The following TLK1 variants were observed in gnomAD, a reference collection of about 807,000 sequenced individuals.
TLK1 encodes serine/threonine-protein kinase tousled-like 1.
Under a neutral mutation model 105.3 loss-of-function variants are expected in TLK1, and 24 were observed. The ratio of observed to expected loss-of-function variants is 0.23; its 90% CI spans 0.17 to 0.32. The LOEUF (loss-of-function observed/expected upper bound fraction) is 0.32. TLK1 is among the 10% of genes least tolerant of loss of function. The pLI is 1.00. For missense variants in TLK1, 558 were observed against 910.5 expected (o/e 0.61, Z 4.98); for synonymous variants, 321 against 310.4 (o/e 1.03, Z -0.36).
chr2:171,187,964 A>G (rs1693067177), intron 1 of TLK1, among the ~76,000 whole-genome samples: 2 of 152,224 alleles, frequency 1.3e-5, no homozygotes, highest in Admixed American at 1.3e-4. Context: ...GGGAGATTGT[A>G]TGACAGATTA....
chr2:171,213,623 A>G (rs1364861509), intron 1 of TLK1, among the ~76,000 whole-genome samples: 1 of 151,334 alleles, frequency 6.6e-6, no homozygotes, highest in Non-Finnish European at 1.5e-5. Flanking sequence ...ACTTTCTACA[A>G]AAACATGTAA....
intron 8 of TLK1, among the ~76,000 whole-genome samples, chr2:171,053,403 G>A (rs1001615123): frequency 8.6e-5 from 13 of 150,962 alleles, no homozygotes; most frequent in Admixed American, 4.6e-4. Flanking sequence ...TCACTCTGTC[G>A]CCAGGCTGGA....
chr2:171,108,454 G>A (rs1690027623), intron 2 of TLK1, among the ~76,000 whole-genome samples: 1 of 151,974 alleles, frequency 6.6e-6, no homozygotes, highest in Non-Finnish European at 1.5e-5. Flanking sequence ...AACACGTAAA[G>A]TACAAGAAGA....
intron 3 of TLK1, chr2:171,081,818 CT>C (rs1558930982): frequency 1.5e-6 from 1 of 657,816 alleles, no homozygotes; most frequent in Non-Finnish European, 2.4e-6. Flanking sequence ...TTTCTAGATG[CT>C]TTCAATAACA....
chr2:171,161,739 T>C (rs1692505213), upstream of TLK1, among the ~76,000 whole-genome samples: 1 of 152,228 alleles, frequency 6.6e-6, no homozygotes. Context: ...GTGTCTCCGC[T>C]GAGTCCCGAC....
chr2:171,061,464 A>G (rs1427843059), intron 3 of TLK1, among the ~76,000 whole-genome samples: 1 of 152,208 alleles, frequency 6.6e-6, no homozygotes, highest in African/African-American at 2.4e-5. Flanking sequence ...GCTTAACTGG[A>G]TGAGGGGGAA....
At chr2:171,221,581 C>T (rs771102284) in intron 1 of TLK1, among the ~76,000 whole-genome samples, 16 of 152,342 alleles carry the variant, frequency 1.1e-4, no homozygotes, top group Admixed American at 2.6e-4. Flanking sequence ...TTCCCTTCCT[C>T]TTCGTGGCTG....
chr2:171,128,966 ATG>A (rs10609101), intron 1 of TLK1, among the ~76,000 whole-genome samples: 60,296 of 150,448 alleles, frequency 0.4, 13,522 homozygotes, highest in African/African-American at 0.6. Flanking sequence ...GAGGAAGAGT[ATG>A]TGTGTGTGTG....
At chr2:171,156,966 C>A (rs1201130902) in intron 1 of TLK1, among the ~76,000 whole-genome samples, 6 of 152,084 alleles carry the variant, frequency 3.9e-5, no homozygotes, top group Non-Finnish European at 5.9e-5. Context: ...GAACCATGCC[C>A]AGCTAATTTT....
chr2:171,018,584 G>T (rs552682985), intron 12 of TLK1, among the ~76,000 whole-genome samples: 4 of 152,294 alleles, frequency 2.6e-5, no homozygotes, highest in South Asian at 2.1e-4. Context: ...CAAGGGTTCA[G>T]GAGAAGACAG....
At chr2:171,142,564 C>G (rs1165456529) in intron 1 of TLK1, among the ~76,000 whole-genome samples, 1 of 152,064 alleles carries the variant, frequency 6.6e-6, no homozygotes, top group African/African-American at 2.4e-5. Context: ...GTTTGATTCA[C>G]CAGGTAGATT....
intron 8 of TLK1, among the ~76,000 whole-genome samples, chr2:171,051,818 T>C (rs1002884217): frequency 3.3e-5 from 5 of 152,208 alleles, no homozygotes; most frequent in African/African-American, 1.2e-4. Flanking sequence ...TCCACCTGTA[T>C]ACTGGAAACA....
chr2:171,140,306 A>G (rs1265021674), intron 1 of TLK1, among the ~76,000 whole-genome samples: 1 of 152,230 alleles, frequency 6.6e-6, no homozygotes, highest in African/African-American at 2.4e-5. Context: ...AAGAAACTTG[A>G]AAAGTTGAAC....
At chr2:171,051,872 A>T (rs557557469) in intron 8 of TLK1, among the ~76,000 whole-genome samples, 2 of 152,338 alleles carry the variant, frequency 1.3e-5, no homozygotes, top group South Asian at 4.1e-4. Flanking sequence ...ATGAGCTTTT[A>T]ATTAAATGGG....
At chr2:171,171,362 A>G (rs1692721872) in intron 1 of TLK1, among the ~76,000 whole-genome samples, 1 of 152,076 alleles carries the variant, frequency 6.6e-6, no homozygotes, top group African/African-American at 2.4e-5. Context: ...TGGAAAAAAA[A>G]AAGAAAAGAC....
chr2:171,227,056 T>G (rs1428189076), intron 1 of TLK1, among the ~76,000 whole-genome samples: 1 of 151,938 alleles, frequency 6.6e-6, no homozygotes, highest in Non-Finnish European at 1.5e-5. Flanking sequence ...CTCCTACAGC[T>G]GCAGTTCCTT....
chr2:171,030,372 C>G (rs1285802946), intron 11 of TLK1, among the ~76,000 whole-genome samples: 1 of 152,124 alleles, frequency 6.6e-6, no homozygotes, highest in Admixed American at 6.5e-5. Flanking sequence ...GACACAACTA[C>G]TGGATTTTAT....
chr2:171,092,341 A>G (rs535564694), intron 2 of TLK1, among the ~76,000 whole-genome samples: 2 of 152,352 alleles, frequency 1.3e-5, no homozygotes, highest in East Asian at 3.9e-4. Context: ...ATTCACTTTC[A>G]CACTACATAT....
Position 171,013,645 on chromosome 2 carries a change from A to G in TLK1, c.1334+1206T>C, listed in dbSNP as rs13428775. Among the ~76,000 whole-genome samples, 524 of 152,300 alleles carry G rather than the reference A, an allele frequency of 3.4e-3. 6 individuals are homozygous for G. Among genetic ancestry groups the G allele is most frequent in the African/African-American group, 0.012 (489 of 41,552 alleles). On this transcript the variant is annotated intron_variant, in intron 13 of 20. Transcript: ENST00000431350. ...AATCTGACATAATTTAGGTTATTCC[A>G]TAACTATTTCTTTCTCTTCACACAA...
Sources: allele counts gnomAD v4.1 joint callset (sites outside exome capture counted in the v4.1 genomes callset), GRCh38; gene constraint gnomAD v4.1.1; transcripts MANE v1.5; gene names NCBI Gene and HGNC (gene_info 2026-07-23, HGNC 2026-07-21).